The following ITPRID1 variants were observed in gnomAD, a reference collection of about 807,000 sequenced individuals.
ITPRID1 encodes the protein ITPR interacting domain containing 1.
Under a neutral mutation model 95.4 loss-of-function variants are expected in ITPRID1, and 96 were observed. The ratio of observed to expected loss-of-function variants is 1.01; its 90% CI spans 0.85 to 1.19. ITPRID1 has a LOEUF of 1.19. Ranked by LOEUF, ITPRID1 falls within the 50% of genes most tolerant of loss-of-function variation. ITPRID1 has a pLI of 0.00. For synonymous variants in ITPRID1, 510 were observed against 453.6 expected, an observed-to-expected ratio of 1.12 and a Z score of -1.58; for missense variants, 1,339 against 1,252.9, an observed-to-expected ratio of 1.07 and a Z score of -1.04.
At chr7:31,657,127 CAAAT>C (rs1191569958), downstream of ITPRID1, among the ~76,000 whole-genome samples, 222 of 145,552 alleles carry the variant, frequency 1.5e-3, no homozygotes, top group Non-Finnish European at 2.6e-3. Context: ...TCATATATAT[CAAAT>C]ATATATAATC....
chr7:31,537,080 TAGA>T (rs150925123), intron 1 of ITPRID1, among the ~76,000 whole-genome samples: 37,261 of 148,242 alleles, frequency 0.25, 4,796 homozygotes, highest in Middle Eastern at 0.37. Context: ...ATTGTATGCC[TAGA>T]AGGTGTGTGT....
intron 10 of ITPRID1, among the ~76,000 whole-genome samples, chr7:31,592,123 T>C (rs1211766428): frequency 6.6e-6 from 1 of 152,190 alleles, no homozygotes; most frequent in Non-Finnish European, 1.5e-5. Flanking sequence ...TTTTTATGCG[T>C]AAGGGCAGTA....
chr7:31,608,470 C>T (rs1247019111), intron 10 of ITPRID1, among the ~76,000 whole-genome samples: 1 of 151,844 alleles, frequency 6.6e-6, no homozygotes, highest in African/African-American at 2.4e-5. Flanking sequence ...ATCTTAACAA[C>T]ATTAAGTCTT....
At chr7:31,519,138 G>A (rs1217165514) in intron 1 of ITPRID1, among the ~76,000 whole-genome samples, 1 of 152,054 alleles carries the variant, frequency 6.6e-6, no homozygotes, top group Non-Finnish European at 1.5e-5. Flanking sequence ...TGCTCAAGAC[G>A]CCAGGTCCTA....
intron 10 of ITPRID1, among the ~76,000 whole-genome samples, chr7:31,595,967 T>C (rs1786072062): frequency 6.6e-6 from 1 of 151,864 alleles, no homozygotes; most frequent in South Asian, 2.1e-4. Context: ...TATAAAGGAA[T>C]ACTAGTACAA....
At chr7:31,594,054 C>G (rs1029435021) in intron 10 of ITPRID1, among the ~76,000 whole-genome samples, 2 of 152,184 alleles carry the variant, frequency 1.3e-5, no homozygotes, top group African/African-American at 2.4e-5. Flanking sequence ...ACATATACAG[C>G]AGTGGTCCTA....
intron 10 of ITPRID1, among the ~76,000 whole-genome samples, chr7:31,599,670 C>T (rs72496113): frequency 0.02 from 1,968 of 100,586 alleles, 63 homozygotes; most frequent in Admixed American, 0.033. Flanking sequence ...CTTTCTCTCT[C>T]TCTCTCTCTC....
intron 10 of ITPRID1, among the ~76,000 whole-genome samples, chr7:31,641,790 T>TAC (rs1176447432): frequency 1.3e-5 from 2 of 152,162 alleles, no homozygotes; most frequent in Non-Finnish European, 1.5e-5. Context: ...TATGTATATA[T>TAC]ACACACACAC....
intron 5 of ITPRID1, among the ~76,000 whole-genome samples, chr7:31,556,069 G>A (rs530702315): frequency 6.6e-6 from 1 of 152,226 alleles, no homozygotes; most frequent in African/African-American, 2.4e-5. Context: ...CCCGGTTGTG[G>A]TGAGAGGCCT....
At chr7:31,580,303 A>AG (rs1282424424) in intron 9 of ITPRID1, among the ~76,000 whole-genome samples, 3 of 151,156 alleles carry the variant, frequency 2.0e-5, no homozygotes, top group Non-Finnish European at 4.4e-5. Flanking sequence ...TGTCTCAAAA[A>AG]AAAAAAAAAA....
chr7:31,633,589 G>A (rs1221727653), intron 10 of ITPRID1, among the ~76,000 whole-genome samples: 2 of 152,196 alleles, frequency 1.3e-5, no homozygotes, highest in African/African-American at 4.8e-5. Flanking sequence ...ACCGCCCATT[G>A]TCCTGAAGTC....
intron 12 of ITPRID1, among the ~76,000 whole-genome samples, chr7:31,645,252 A>G (rs1416363393): frequency 6.6e-6 from 1 of 152,248 alleles, no homozygotes; most frequent in Non-Finnish European, 1.5e-5. Context: ...ATTATTTGAA[A>G]GATAAAGCAA....
chr7:31,651,005 T>C (rs928813318), intron 12 of ITPRID1, 137 bp from the exon 13 acceptor site: 1 of 888,712 alleles, frequency 1.1e-6, no homozygotes, highest in African/African-American at 1.7e-5. Context: ...GCTCTTCCTA[T>C]TCCCTCCCCC....
At position 31,578,437 on chromosome 7, in the gene ITPRID1, C is replaced by T. The variant is rs373377448; in HGVS notation, c.1170+3C>T. On this transcript the variant is annotated splice_donor_region_variant and intron_variant, in intron 9 of 14. Transcript: ENST00000615280. The stretch of plus-strand genomic sequence containing the variant: ...CAGACTCATTTGAAATGGAAGAGGT[C>T]AGTGCTGCACCAACGTACCAGCCTC... 1 of 1,571,568 alleles carries T rather than the reference C, an allele frequency of 6.4e-7. No homozygotes were observed. Among genetic ancestry groups the T allele is most frequent in the African/African-American group, 1.4e-5 (1 of 73,254 alleles).
chr7:31,611,146 C>T (rs1562606539), intron 10 of ITPRID1, among the ~76,000 whole-genome samples: 1 of 150,670 alleles, frequency 6.6e-6, no homozygotes, highest in East Asian at 1.9e-4. Context: ...AGGTGTTGCC[C>T]TGGGAATTCC....
chr7:31,534,575 C>T (rs1031043941), intron 1 of ITPRID1, among the ~76,000 whole-genome samples: 18 of 152,054 alleles, frequency 1.2e-4, no homozygotes, highest in African/African-American at 3.1e-4. Flanking sequence ...GTAGCTATAT[C>T]AGCTTTCTCA....
intron 7 of ITPRID1, 86 bp from the exon 8 acceptor site, chr7:31,574,454 G>A: frequency 8.6e-7 from 1 of 1,159,088 alleles, no homozygotes; most frequent in South Asian, 1.3e-5. Flanking sequence ...CTCAGTATCT[G>A]GGAGATTGGG....
chr7:31,580,955 A>G (rs953357741), intron 9 of ITPRID1, among the ~76,000 whole-genome samples: 1 of 152,230 alleles, frequency 6.6e-6, no homozygotes, highest in African/African-American at 2.4e-5. Context: ...AAGTGCATAT[A>G]AAATATTACA....
downstream of ITPRID1, chr7:31,658,510 T>C: frequency 1.2e-6 from 1 of 852,672 alleles, no homozygotes; most frequent in Non-Finnish European, 1.6e-6. Context: ...AAGAAAAAGT[T>C]TTAGAGTGTT....
Sources: gnomAD v4.1 joint callset for allele counts (sites outside exome capture counted in the v4.1 genomes callset) on GRCh38, gnomAD v4.1.1 for gene constraint, MANE v1.5 for transcripts, NCBI Gene and HGNC (gene_info 2026-07-23, HGNC 2026-07-21) for gene names.